Variants in ELP6 observed in about 807,000 individuals in gnomAD.
ELP6 encodes elongator acetyltransferase complex subunit 6, also known as elongator complex protein 6.
ELP6 carries 23 observed loss-of-function variants against 28.1 expected under a neutral mutation model. The observed-to-expected ratio is 0.82, with a 90% confidence interval of 0.59 to 1.16. The LOEUF (loss-of-function observed/expected upper bound fraction) is 1.16. ELP6 is among the 50% of genes most tolerant of loss of function. The probability of loss-of-function intolerance (pLI) is 0.00; values close to 1 mark genes in which losing one functional copy is unlikely to be tolerated. For synonymous variants in ELP6, 132 were observed against 135.8 expected, an observed-to-expected ratio of 0.97 and a Z score of 0.19; for missense variants, 313 against 334.6, an observed-to-expected ratio of 0.94 and a Z score of 0.50.
At chr3:47,512,967 A>G in intron 1 of ELP6, 3 of 976,114 alleles carry the variant, frequency 3.1e-6, no homozygotes, top group Non-Finnish European at 3.6e-6. Context: ...ACCCAACCCC[A>G]CTGTCGGCCA....
intron 5 of ELP6, 22 bp from the exon 6 acceptor site, chr3:47,498,454 A>G: frequency 6.2e-7 from 1 of 1,608,530 alleles, no homozygotes; most frequent in South Asian, 1.1e-5. Flanking sequence ...ACAAGATGGA[A>G]GCCTGCTCCT....
intron 6 of ELP6, chr3:47,496,503 T>C: frequency 1.0e-6 from 1 of 981,342 alleles, no homozygotes; most frequent in Non-Finnish European, 1.2e-6. Flanking sequence ...ATGTTTTTTT[T>C]TTTTTTTTTT....
intron 1 of ELP6, 85 bp from the exon 2 acceptor site, chr3:47,511,311 C>T: frequency 1.3e-6 from 2 of 1,512,874 alleles, no homozygotes; most frequent in Non-Finnish European, 1.8e-6. Context: ...TGTGTCCACA[C>T]CTTAATTTCT....
At chr3:47,502,598 G>A in intron 4 of ELP6, 1 of 961,672 alleles carries the variant, frequency 1.0e-6, no homozygotes, top group East Asian at 1.1e-4. Context: ...ACTTTGGGGG[G>A]CCAGCGGGGG....
intron 2 of ELP6, 49 bp from the exon 3 acceptor site, chr3:47,510,303 ACTCAC>A: frequency 1.3e-6 from 2 of 1,532,030 alleles, no homozygotes; most frequent in Non-Finnish European, 1.8e-6. Flanking sequence ...TTACAACCAG[ACTCAC>A]TGATTTCATA....
chr3:47,502,511 A>G lies in ELP6; in HGVS notation c.324-660T>C, dbSNP rs1708697042. ...GATCAGCTTGGATTGGGCAGGCGGA[A>G]ACCTTCCCAGGAGGTTATACACAGC... On this transcript the variant is annotated intron_variant, in intron 4 of 6. Coordinates refer to ENST00000296149, the MANE Select transcript of ELP6 (RefSeq NM_001031703.3). 28 of 985,010 alleles carry G rather than the reference A, an allele frequency of 2.8e-5. No individual in the cohort carries two copies. The South Asian group carries it at 1.3e-3, about 46-fold the overall frequency. The allele number at this position is 985,010 out of a possible 1,614,324, so 61.0% of individuals were successfully genotyped here.
At position 47,504,386 on chromosome 3, in the gene ELP6, A is replaced by G; in HGVS notation, c.267T>C (p.Ser89=). The G allele has an allele frequency of 6.2e-7, 1 of 1,610,844 alleles. No homozygotes were observed. The highest frequency in any genetic ancestry group is 1.3e-5 in the African/African-American group (1 of 74,920). Residue 89 remains serine, a synonymous_variant, in exon 4 of 7, where the codon TCT becomes TCC. Transcript: ENST00000296149. The part of the protein sequence containing the change: ...GQLVFLEGLK[S]AVDVVFQAQK... ...GAGCCTGGAAGACGACGTCCACTGC[A>G]GACTTGAGTCCCTCAAGGAACACAA...
chr3:47,498,444 A>G lies in ELP6; in HGVS notation c.526-12T>C. The G allele has an allele frequency of 6.2e-7, 1 of 1,610,772 alleles. No homozygotes were observed. The highest frequency in any genetic ancestry group is 8.5e-7 in the Non-Finnish European group (1 of 1,179,666). On this transcript the variant is annotated splice_polypyrimidine_tract_variant and intron_variant, in intron 5 of 6. Coordinates refer to ENST00000296149, the MANE Select transcript of ELP6 (RefSeq NM_001031703.3). ...ACCACCATGTTTCCCTGCATCAGAT[A>G]CAAGATGGAAGCCTGCTCCTTACTG...
chr3:47,501,659 C>T lies in ELP6; in HGVS notation c.516G>A (p.Trp172Ter). Residue 172 changes from tryptophan to a stop codon, truncating the protein, a stop_gained, in exon 5 of 7, where the codon TGG (tryptophan) becomes TGA (stop). Transcript: ENST00000296149. LOFTEE classifies it high-confidence loss of function. Reference protein sequence around the residue: ...FIHYCRATVCWELKGNMVVLV... With the variant: ...FIHYCRATVC ...GCAGTTCCATGAGTACCTTTAGTTC[C>T]CAGCACACGGTGGCTCTGCAGTAGT... is the stretch of plus-strand genomic sequence containing the variant. 6.2e-7 allele frequency: 1 copy of T among 1,614,024 alleles called. No individual in the cohort carries two copies. Among genetic ancestry groups the T allele is most frequent in the Non-Finnish European group, 8.5e-7 (1 of 1,179,996 alleles).
chr3:47,495,955 C>T lies in ELP6; in HGVS notation c.*114G>A, dbSNP rs371196066. On this transcript the variant is annotated 3_prime_UTR_variant, in exon 7 of 7. Coordinates refer to ENST00000296149, the MANE Select transcript of ELP6 (RefSeq NM_001031703.3). ...CTCAACCCTCTGGTCACAGTGGAGT[C>T]GCCGGTCCAGCCTGAAATATTACTA... 77 of 1,566,542 alleles carry T rather than the reference C, an allele frequency of 4.9e-5. No individual in the cohort carries two copies. The highest frequency in any genetic ancestry group is 3.0e-4 in the South Asian group (26 of 86,788).
chr3:47,496,997 T>G, intron 6 of ELP6: 1 of 985,450 alleles, frequency 1.0e-6, no homozygotes, highest in Non-Finnish European at 1.2e-6. Flanking sequence ...CAGGCCCTGC[T>G]GCAGCACTAC....
chr3:47,499,306 CAGG>C (rs1708569776), intron 5 of ELP6, among the ~76,000 whole-genome samples: 1 of 152,046 alleles, frequency 6.6e-6, no homozygotes, highest in African/African-American at 2.4e-5. Flanking sequence ...CACCTGAGGT[CAGG>C]AGATCAAGAC....
intron 4 of ELP6, chr3:47,503,003 C>A (rs1708713866): frequency 1.0e-6 from 1 of 996,246 alleles, no homozygotes; most frequent in Non-Finnish European, 1.2e-6. Flanking sequence ...GCCATCATTT[C>A]TCAGCAATGA....
At chr3:47,498,785 G>A (rs1708554142) in intron 5 of ELP6, 1 of 866,298 alleles carries the variant, frequency 1.2e-6, no homozygotes, top group South Asian at 5.3e-5. Context: ...ATACTTAAGA[G>A]TGTACCAGAT....
chr3:47,510,021 A>G, intron 3 of ELP6, 163 bp downstream of exon 3: 1 of 558,798 alleles, frequency 1.8e-6, no homozygotes. Context: ...TGGCCTCCCA[A>G]AGTGCTGGGA....
chr3:47,513,207 G>T, intron 1 of ELP6: 1 of 1,132,924 alleles, frequency 8.8e-7, no homozygotes, highest in Non-Finnish European at 1.1e-6. Flanking sequence ...GGCCAGACTT[G>T]TCTCGAACTC....
At chr3:47,507,887 G>A (rs144921190) in intron 3 of ELP6, among the ~76,000 whole-genome samples, 1,834 of 151,816 alleles carry the variant, frequency 0.012, 144 homozygotes, top group Admixed American at 0.11. Context: ...AGTACTTCAC[G>A]TGCCAAGTAC....
chr3:47,499,932 C>A (rs933687946), intron 5 of ELP6: 3 of 1,348,634 alleles, frequency 2.2e-6, no homozygotes, highest in Non-Finnish European at 3.0e-6. Context: ...AACCGTCGTG[C>A]CTGCAGCTTC....
Position 47,513,527 on chromosome 3 carries a change from G to A in ELP6, c.54+10C>T. ...GGTCCCGCCCCCTTCCGGCCAGCGG[G>A]ACCTCTTACCTGCTCCGCCCTGTCG... On this transcript the variant is annotated intron_variant, in intron 1 of 6. Coordinates refer to ENST00000296149, the MANE Select transcript of ELP6 (RefSeq NM_001031703.3). 3 of 1,611,130 alleles carry A rather than the reference G, an allele frequency of 1.9e-6. No homozygotes were observed. The highest frequency in any genetic ancestry group is 1.7e-6 in the Non-Finnish European group (2 of 1,178,734).
Sources: gnomAD v4.1 joint callset for allele counts (sites outside exome capture counted in the v4.1 genomes callset) on GRCh38, gnomAD v4.1.1 for gene constraint, MANE v1.5 for transcripts, NCBI Gene and HGNC (gene_info 2026-07-23, HGNC 2026-07-21) for gene names.